The following CDH18 variants were observed in gnomAD, a reference collection of about 807,000 sequenced individuals.
The protein encoded by CDH18 is cadherin 18, also known as cadherin-18.
CDH18 carries 31 observed loss-of-function variants against 67.9 expected under a neutral mutation model. The observed-to-expected ratio is 0.46, with a 90% CI of 0.34 to 0.62. The LOEUF (loss-of-function observed/expected upper bound fraction) is 0.62. CDH18 is among the 20% of genes least tolerant of loss of function. CDH18 has a pLI of 0.01. For missense variants in CDH18, 890 were observed against 975.5 expected, an observed-to-expected ratio of 0.91 and a Z score of 1.17; for synonymous variants, 362 against 347.2, an observed-to-expected ratio of 1.04 and a Z score of -0.48.
At chr5:19,675,166 A>G (rs1759300904) in intron 5 of CDH18, among the ~76,000 whole-genome samples, 1 of 152,102 alleles carries the variant, frequency 6.6e-6, no homozygotes, top group African/African-American at 2.4e-5. Flanking sequence ...CACAGAGATC[A>G]CATGCTTCAC....
chr5:20,335,607 C>G (rs1220590580), intron 1 of CDH18, among the ~76,000 whole-genome samples: 1 of 152,152 alleles, frequency 6.6e-6, no homozygotes, highest in East Asian at 1.9e-4. Context: ...TTTTTCTTAT[C>G]AGCATCTGAA....
At chr5:19,639,430 A>G (rs1010562647) in intron 5 of CDH18, among the ~76,000 whole-genome samples, 21 of 152,174 alleles carry the variant, frequency 1.4e-4, no homozygotes, top group Non-Finnish European at 2.4e-4. Context: ...CACCCAAGCA[A>G]TCTTTGCTAT....
intron 5 of CDH18, among the ~76,000 whole-genome samples, chr5:19,656,600 T>A (rs1402843603): frequency 6.6e-6 from 1 of 152,046 alleles, no homozygotes; most frequent in African/African-American, 2.4e-5. Context: ...ATATAAAATG[T>A]CAGGTGGGAG....
chr5:20,143,012 G>C (rs1415617204), intron 2 of CDH18, among the ~76,000 whole-genome samples: 1 of 152,166 alleles, frequency 6.6e-6, no homozygotes, highest in South Asian at 2.1e-4. Context: ...ATAATGAGTA[G>C]AAGCTGTAAG....
intron 1 of CDH18, among the ~76,000 whole-genome samples, chr5:20,539,767 C>CAT (rs1332295889): frequency 1.3e-5 from 2 of 151,674 alleles, no homozygotes; most frequent in Non-Finnish European, 2.9e-5. Context: ...AACACACACA[C>CAT]ACACACACAC....
At chr5:20,231,554 G>C (rs866188843) in intron 2 of CDH18, among the ~76,000 whole-genome samples, 1 of 151,200 alleles carries the variant, frequency 6.6e-6, no homozygotes, top group African/African-American at 2.4e-5. Context: ...AGCCAAGATC[G>C]CACCATTGGC....
intron 2 of CDH18, among the ~76,000 whole-genome samples, chr5:20,020,616 C>A (rs930786856): frequency 6.6e-6 from 1 of 152,158 alleles, no homozygotes; most frequent in South Asian, 2.1e-4. Flanking sequence ...CCATAATAAG[C>A]TTTCATGGCC....
chr5:20,098,260 T>A (rs933030876), intron 2 of CDH18, among the ~76,000 whole-genome samples: 3 of 152,038 alleles, frequency 2.0e-5, no homozygotes, highest in African/African-American at 7.2e-5. Context: ...AAACCTCAAA[T>A]AATAGATTTT....
chr5:19,703,432 A>ATT (rs1763528170), intron 5 of CDH18, among the ~76,000 whole-genome samples: 1 of 152,192 alleles, frequency 6.6e-6, no homozygotes, highest in African/African-American at 2.4e-5. Flanking sequence ...AAGTAACAGA[A>ATT]GAGGTGACAG....
At chr5:20,166,453 AAG>A (rs147817768) in intron 2 of CDH18, among the ~76,000 whole-genome samples, 82,520 of 111,944 alleles carry the variant, frequency 0.74, 32,708 homozygotes, top group East Asian at 0.89. Context: ...AAAAAAAAAA[AAG>A]AAAAGAAAAG....
chr5:19,508,984 G>A lies in CDH18; in HGVS notation c.1513-5875C>T, dbSNP rs374281395. Among the ~76,000 whole-genome samples the A allele has an allele frequency of 4.7e-5, 7 of 149,780 alleles. No homozygotes were observed. The East Asian group carries it at 1.2e-3, about 25-fold the overall frequency. On this transcript the variant is annotated intron_variant, in intron 10 of 12. Transcript: ENST00000382275. ...CACCTCCTGGGTTCAAGTGATTCTC[G>A]TGTCTCAGCCACCGAGTAGTTGGGA...
At chr5:20,425,627 A>T (rs1349177028) in intron 1 of CDH18, among the ~76,000 whole-genome samples, 1 of 150,932 alleles carries the variant, frequency 6.6e-6, no homozygotes, top group Non-Finnish European at 1.5e-5. Context: ...AGTAAAAATA[A>T]TTGAAAATAG....
chr5:20,010,934 G>A (rs1217672362), intron 2 of CDH18, among the ~76,000 whole-genome samples: 2 of 151,990 alleles, frequency 1.3e-5, no homozygotes. Flanking sequence ...ATCAACTCAG[G>A]TTTCTGTAAA....
At chr5:19,884,549 TA>T (rs1441272635) in intron 2 of CDH18, among the ~76,000 whole-genome samples, 2 of 151,918 alleles carry the variant, frequency 1.3e-5, no homozygotes, top group Non-Finnish European at 2.9e-5. Flanking sequence ...TATATAAGTA[TA>T]TTGTACAATA....
At chr5:19,972,549 T>C (rs1798125691) in intron 2 of CDH18, among the ~76,000 whole-genome samples, 1 of 143,700 alleles carries the variant, frequency 7.0e-6, no homozygotes, top group African/African-American at 2.6e-5. Context: ...TTTCAAATTT[T>C]ACTGTAGTTT....
At position 19,483,314 on chromosome 5, in the gene CDH18, A is replaced by G. The variant is rs780526685; in HGVS notation, c.1869T>C (p.Val623=). The G allele has an allele frequency of 3.1e-5, 50 of 1,613,282 alleles. No individual in the cohort carries two copies. In the South Asian group the frequency reaches 5.2e-4, roughly 17 times the overall value. ...AGAATGACTTACCCAGGAGAATGAG[A>G]ACACAGAGAAGAATAGCGATTAAGG... ...TGALIAILLC[V]LILLAIVVLF... is the part of the protein sequence containing the mutation. Residue 623 remains valine (V), a synonymous_variant, in exon 12 of 13, where the codon GTT becomes GTC. Coordinates refer to ENST00000382275, the MANE Select transcript of CDH18 (RefSeq NM_004934.5).
At chr5:19,514,135 T>C (rs909623114) in intron 10 of CDH18, among the ~76,000 whole-genome samples, 6 of 152,164 alleles carry the variant, frequency 3.9e-5, no homozygotes, top group Non-Finnish European at 4.4e-5. Flanking sequence ...CTCAGAATGA[T>C]GGTTTCCAGC....
At chr5:20,399,723 T>C (rs999521560) in intron 1 of CDH18, among the ~76,000 whole-genome samples, 5 of 152,214 alleles carry the variant, frequency 3.3e-5, no homozygotes, top group African/African-American at 4.8e-5. Flanking sequence ...ATAGTAGCTG[T>C]GAATAAATAA....
intron 3 of CDH18, among the ~76,000 whole-genome samples, chr5:19,768,141 C>T (rs1163788255): frequency 3.3e-5 from 5 of 152,064 alleles, no homozygotes; most frequent in South Asian, 2.1e-4. Flanking sequence ...GATGGTTCCT[C>T]GGAAGACCCC....
Sources: allele counts gnomAD v4.1 joint callset (sites outside exome capture counted in the v4.1 genomes callset), GRCh38; gene constraint gnomAD v4.1.1; transcripts MANE v1.5; gene names NCBI Gene and HGNC (gene_info 2026-07-23, HGNC 2026-07-21).